ITPKB: variants seen among roughly 807,000 people sequenced by gnomAD.
ITPKB encodes inositol-trisphosphate 3-kinase B.
ITPKB carries 13 observed loss-of-function variants against 69.4 expected under a neutral mutation model. The ratio of observed to expected loss-of-function variants is 0.19; its 90% confidence interval spans 0.12 to 0.30. The LOEUF is 0.30. Ranked by LOEUF, ITPKB falls within the 10% of genes least tolerant of loss-of-function variation. The pLI, the probability that ITPKB is intolerant of heterozygous loss-of-function variation, is 1.00. For synonymous variants in ITPKB, 584 were observed against 513.7 expected, an observed-to-expected ratio of 1.14 and a Z score of -1.85; for missense variants, 1,240 against 1,250.5, an observed-to-expected ratio of 0.99 and a Z score of 0.13.
At chr1:226,703,666 G>A (rs534547307) in intron 2 of ITPKB, among the ~76,000 whole-genome samples, 4 of 152,374 alleles carry the variant, frequency 2.6e-5, no homozygotes, top group African/African-American at 9.6e-5. Context: ...CGGGCCCGCA[G>A]CAGAGGCAGT....
chr1:226,706,429 A>G (rs1334379588), intron 2 of ITPKB, among the ~76,000 whole-genome samples: 1 of 152,204 alleles, frequency 6.6e-6, no homozygotes, highest in South Asian at 2.1e-4. Context: ...TCAGAGATCA[A>G]CAAGTCTTTG....
At chr1:226,699,806 A>C (rs1656590737) in intron 2 of ITPKB, among the ~76,000 whole-genome samples, 3 of 152,206 alleles carry the variant, frequency 2.0e-5, no homozygotes, top group Admixed American at 1.3e-4. Flanking sequence ...GTTCTCTAGA[A>C]GGACAGAACC....
chr1:226,738,897 A>G lies in ITPKB; in HGVS notation c.-206+144T>C, dbSNP rs1195919505. The G allele has an allele frequency of 6.6e-6, 1 of 152,176 alleles. No homozygotes were observed. The highest frequency in any genetic ancestry group is 1.5e-5 in the Non-Finnish European group (1 of 68,062). 9.4% of individuals were successfully genotyped at this position (152,176 alleles called of 1,614,324 possible). ...CACCGCCACTCCATGTCACCCTCCA[A>G]AATCAAACCCCCTTCCCTGCCTCCC... On this transcript the variant is annotated intron_variant, in intron 1 of 7. Transcript: ENST00000429204. This position sits in a 1 kb window ranked among gnomAD's most constrained non-coding sequence, Gnocchi z 4.2.
At chr1:226,731,569 T>A (rs1463026976) in intron 2 of ITPKB, among the ~76,000 whole-genome samples, 1 of 152,202 alleles carries the variant, frequency 6.6e-6, no homozygotes, top group Non-Finnish European at 1.5e-5. Context: ...CAGAACTAGA[T>A]GACCCCATGA....
At chr1:226,645,916 C>G (rs1669054006) in intron 4 of ITPKB, among the ~76,000 whole-genome samples, 1 of 152,084 alleles carries the variant, frequency 6.6e-6, no homozygotes, top group Admixed American at 6.5e-5. Context: ...CGAGAGAACA[C>G]AACAGTCAGT....
In ITPKB at chr1:226,738,754, C is replaced by G. The variant is rs1454995247; in HGVS notation, c.-206+287G>C. Among the ~76,000 whole-genome samples, 3 of 152,210 alleles carry G rather than the reference C, an allele frequency of 2.0e-5. No individual in the cohort carries two copies. The highest frequency in any genetic ancestry group is 4.4e-5 in the Non-Finnish European group (3 of 68,024). ...CAGCCTCGCCCGGCGCCAGCAGAGC[C>G]GCCCCGAGACCCCAGCCTGGGGACT... On this transcript the variant is annotated intron_variant, in intron 1 of 7. Coordinates refer to ENST00000429204, the MANE Select transcript of ITPKB (RefSeq NM_002221.4). The surrounding 1 kb of genome is among the most constrained non-coding windows in gnomAD (Gnocchi z 4.2).
intron 2 of ITPKB, among the ~76,000 whole-genome samples, chr1:226,716,241 CG>C (rs1295262180): frequency 2.0e-5 from 3 of 152,134 alleles, no homozygotes; most frequent in Non-Finnish European, 2.9e-5. Flanking sequence ...AGTAAAAATG[CG>C]TAAGAATAGT....
In ITPKB at chr1:226,738,812, G is replaced by A. The variant is rs968923656; in HGVS notation, c.-206+229C>T. Among the ~76,000 whole-genome samples the A allele has an allele frequency of 2.6e-5, 4 of 152,294 alleles. No individual in the cohort carries two copies. Among genetic ancestry groups the A allele is most frequent in the Admixed American group, 6.5e-5 (1 of 15,302 alleles). On this transcript the variant is annotated intron_variant, in intron 1 of 7. Transcript: ENST00000429204. This position sits in a 1 kb window ranked among gnomAD's most constrained non-coding sequence, Gnocchi z 4.2. ...CGCGCTGAGGGAGGCGGCGCGGAGT[G>A]AGCGGCCCGGAAGGCGGGTAGGAGA... is the stretch of plus-strand genomic sequence containing the variant.
intron 4 of ITPKB, among the ~76,000 whole-genome samples, chr1:226,645,971 G>T (rs779804651): frequency 5.3e-4 from 80 of 152,306 alleles, no homozygotes; most frequent in Non-Finnish European, 9.6e-4. Flanking sequence ...GGAGAGAGAA[G>T]AAAGGAAAGA....
intron 2 of ITPKB, among the ~76,000 whole-genome samples, chr1:226,677,684 G>A (rs544744601): frequency 2.6e-5 from 4 of 152,328 alleles, no homozygotes; most frequent in African/African-American, 4.8e-5. Context: ...AGAAACTGAC[G>A]GGAAAGGTGG....
At chr1:226,661,760 A>G (rs1435552664) in intron 2 of ITPKB, among the ~76,000 whole-genome samples, 1 of 152,232 alleles carries the variant, frequency 6.6e-6, no homozygotes, top group Non-Finnish European at 1.5e-5. Context: ...TCTCACGTAT[A>G]CTGTCTGGTC....
At chr1:226,689,360 C>A (rs1451169512) in intron 2 of ITPKB, among the ~76,000 whole-genome samples, 1 of 152,152 alleles carries the variant, frequency 6.6e-6, no homozygotes, top group African/African-American at 2.4e-5. Flanking sequence ...TGTGGAGCAG[C>A]CTTTGTTTCC....
intron 2 of ITPKB, among the ~76,000 whole-genome samples, chr1:226,726,607 T>C (rs948625624): frequency 6.6e-6 from 1 of 151,994 alleles, no homozygotes; most frequent in African/African-American, 2.4e-5. Flanking sequence ...GCTGGAGAGA[T>C]CGAGGCTGCA....
chr1:226,727,105 C>T (rs1657448117), intron 2 of ITPKB, among the ~76,000 whole-genome samples: 1 of 152,190 alleles, frequency 6.6e-6, no homozygotes, highest in African/African-American at 2.4e-5. Context: ...GTCATCCTTT[C>T]CCCATAATAT....
At position 226,649,376 on chromosome 1, in the gene ITPKB, TTG is replaced by T. The variant is rs1482236838; in HGVS notation, c.1933-607_1933-606del. ...GATATATGTGCATGTGTGCATGTGA[TTG>T]TGTGCATGTGTGCATGAGTGTGTGT... On this transcript the variant is annotated intron_variant, in intron 2 of 7. Coordinates refer to ENST00000429204, the MANE Select transcript of ITPKB (RefSeq NM_002221.4). Among the ~76,000 whole-genome samples, 7 of 126,230 alleles carry T rather than the reference TTG, an allele frequency of 5.5e-5. No homozygotes were observed. The East Asian group carries it at 1.4e-3, about 26-fold the overall frequency. 82.8% of individuals were successfully genotyped at this position (126,230 alleles called of 152,430 possible).
intron 5 of ITPKB, 150 bp from the exon 6 acceptor site, chr1:226,639,808 A>G (rs535750046): frequency 4.4e-5 from 29 of 657,816 alleles, no homozygotes; most frequent in Non-Finnish European, 7.2e-5. Context: ...CGTATGGCGC[A>G]TGGAGGTGGC....
intron 5 of ITPKB, among the ~76,000 whole-genome samples, chr1:226,640,069 C>T (rs997122985): frequency 1.3e-5 from 2 of 152,190 alleles, no homozygotes; most frequent in Admixed American, 1.3e-4. Flanking sequence ...GGTCCCTGCC[C>T]GCCAGAGGCA....
chr1:226,657,148 T>C (rs918413700), intron 2 of ITPKB: 1 of 152,220 alleles, frequency 6.6e-6, no homozygotes, highest in East Asian at 1.9e-4. Flanking sequence ...CCCCCAGATG[T>C]GTAACTTGGA....
Position 226,736,147 on chromosome 1 carries a change from G to T in ITPKB, c.1312C>A (p.Gln438Lys), listed in dbSNP as rs762600084. ...CCTCCCTCCACTCTGTCGGAGAGCTGCCAACGCCCCCCGCCCACGGGGGCC... is the reference window on the plus strand; with the variant it reads ...CCTCCCTCCACTCTGTCGGAGAGCTTCCAACGCCCCCCGCCCACGGGGGCC... ...SGAPVGGGRW[Q>K]LSDRVEGGSP... is the part of the protein sequence containing the mutation. Residue 438 changes from glutamine to lysine, a missense_variant, in exon 2 of 8, where the codon CAG becomes AAG. Coordinates refer to ENST00000429204, the MANE Select transcript of ITPKB (RefSeq NM_002221.4). The T allele has an allele frequency of 1.3e-6, 2 of 1,567,468 alleles. No homozygotes were observed. The highest frequency in any genetic ancestry group is 1.7e-6 in the Non-Finnish European group (2 of 1,156,052).
Sources: gnomAD v4.1 joint callset for allele counts (sites outside exome capture counted in the v4.1 genomes callset) on GRCh38, gnomAD v4.1.1 for gene constraint, Gnocchi (gnomAD v3.1) non-coding constraint, MANE v1.5 for transcripts, NCBI Gene and HGNC (gene_info 2026-07-23, HGNC 2026-07-21) for gene names.